STARD13: variants seen among roughly 807,000 people sequenced by gnomAD.
STARD13 encodes StAR related lipid transfer domain containing 13, also known as stAR-related lipid transfer protein 13.
A neutral mutation model predicts 106.4 loss-of-function variants in STARD13; 62 were observed. The ratio of observed to expected loss-of-function variants is 0.58; its 90% CI spans 0.48 to 0.72. The LOEUF (loss-of-function observed/expected upper bound fraction) is 0.72, where lower values mean the gene tolerates loss of function less well. Among genes scored for constraint, STARD13 ranks in the 30% least tolerant of loss-of-function variants. STARD13 has a pLI of 0.00. For missense variants in STARD13, 1,387 were observed against 1,424.0 expected (o/e 0.97, Z 0.42); for synonymous variants, 565 against 553.0 (o/e 1.02, Z -0.31).
In STARD13 at chr13:33,118,989, C is replaced by T. The variant is rs150741493; in HGVS notation, c.2083-726G>A. 1.3e-4 allele frequency among the ~76,000 whole-genome samples: 20 copies of T among 152,094 alleles called. No homozygotes were observed. In the East Asian group the frequency reaches 3.5e-3, roughly 26 times the overall value. On this transcript the variant is annotated intron_variant, in intron 7 of 13. Transcript: ENST00000336934. The stretch of plus-strand genomic sequence containing the variant: ...GACCTCAAGATATTGTCATATCATG[C>T]CTTTTTCATCTTAGAGTCTAGACTC...
In STARD13 at chr13:33,142,311, T is replaced by C. The variant is rs751798705; in HGVS notation, c.386A>G (p.Lys129Arg). 20 of 1,611,966 alleles carry C rather than the reference T, an allele frequency of 1.2e-5. No homozygotes were observed. The highest frequency in any genetic ancestry group is 1.7e-5 in the Non-Finnish European group (20 of 1,178,276). ...MKLDVNFQRK[K>R]GDDSDEEDLC... ...TCTTATTAAGGTGTGGGCACCTACCTTTTTCCTTTGGAAGTTCACATCAAG... is the reference window on the plus strand; with the variant it reads ...TCTTATTAAGGTGTGGGCACCTACCCTTTTCCTTTGGAAGTTCACATCAAG... The change falls in exon 4 of 14, where the codon AAG (lysine) becomes AGG (arginine). Residue 129 changes from lysine (K) to arginine (R), a missense_variant and splice_region_variant. Coordinates refer to ENST00000336934, the MANE Select transcript of STARD13 (RefSeq NM_178006.4).
At chr13:33,307,123 T>A (rs1345680140) in intron 1 of STARD13, among the ~76,000 whole-genome samples, 2 of 151,940 alleles carry the variant, frequency 1.3e-5, no homozygotes, top group Non-Finnish European at 2.9e-5. Flanking sequence ...CTCATGCCAC[T>A]CAGAATAGCA....
the STARD13 span, among the ~76,000 whole-genome samples, chr13:33,519,091 C>T: frequency 1.2e-4 from 19 of 152,088 alleles, no homozygotes; most frequent in Admixed American, 1.2e-3. Context: ...ATTCATTATG[C>T]ATCACCAGCC....
the STARD13 span, among the ~76,000 whole-genome samples, chr13:33,429,481 G>A: frequency 4.6e-5 from 7 of 150,546 alleles, no homozygotes; most frequent in South Asian, 2.1e-4. Context: ...CCGAGATTGC[G>A]CCACTGCACT....
At chr13:33,424,343 G>T in the STARD13 span, among the ~76,000 whole-genome samples, 2 of 152,140 alleles carry the variant, frequency 1.3e-5, no homozygotes, top group Non-Finnish European at 2.9e-5. Flanking sequence ...ATTTGGGCTG[G>T]TCTCAAAGAC....
the STARD13 span, among the ~76,000 whole-genome samples, chr13:33,481,841 T>C: frequency 2.0e-4 from 25 of 122,162 alleles, no homozygotes; most frequent in South Asian, 6.2e-3. Context: ...TAGCCGGGCG[T>C]GGTGGTGGCG....
chr13:33,150,283 T>A (rs1881102660), intron 3 of STARD13, among the ~76,000 whole-genome samples: 1 of 152,228 alleles, frequency 6.6e-6, no homozygotes, highest in Non-Finnish European at 1.5e-5. Context: ...ATGAGTTGCA[T>A]CTTATTTGCA....
the STARD13 span, among the ~76,000 whole-genome samples, chr13:33,492,946 A>T: frequency 6.6e-6 from 1 of 152,142 alleles, no homozygotes; most frequent in African/African-American, 2.4e-5. Flanking sequence ...ATGGAGGTTA[A>T]ACTGCCAAAG....
chr13:33,643,622 G>A, the STARD13 span, among the ~76,000 whole-genome samples: 10,772 of 152,312 alleles, frequency 0.071, 861 homozygotes, highest in Admixed American at 0.19. Context: ...CTCTCCTGTC[G>A]CACACCCGGT....
chr13:33,409,205 G>C, the STARD13 span, among the ~76,000 whole-genome samples: 7 of 151,980 alleles, frequency 4.6e-5, no homozygotes, highest in African/African-American at 1.5e-4. Flanking sequence ...ATTTTTGTAC[G>C]ATTTATATAT....
At chr13:33,476,276 A>C in the STARD13 span, among the ~76,000 whole-genome samples, 1 of 152,220 alleles carries the variant, frequency 6.6e-6, no homozygotes. Context: ...GATCCCAAAC[A>C]TTTTATCACT....
At chr13:33,140,397 T>C (rs1879659996) in intron 4 of STARD13, among the ~76,000 whole-genome samples, 1 of 152,246 alleles carries the variant, frequency 6.6e-6, no homozygotes, top group African/African-American at 2.4e-5. Flanking sequence ...CTGACCCTCA[T>C]GCTTCAAATA....
chr13:33,339,918 A>G (rs1487838440), intron 1 of STARD13, among the ~76,000 whole-genome samples: 9 of 152,206 alleles, frequency 5.9e-5, no homozygotes, highest in Non-Finnish European at 1.3e-4. Context: ...GAAAAAAAAA[A>G]AAGGAAAATA....
At chr13:33,429,100 T>G in the STARD13 span, among the ~76,000 whole-genome samples, 3 of 152,168 alleles carry the variant, frequency 2.0e-5, no homozygotes, top group Admixed American at 1.3e-4. Context: ...ACAACCACTA[T>G]GGAGAACAGT....
upstream of STARD13, among the ~76,000 whole-genome samples, chr13:33,288,423 A>G (rs1381239953): frequency 6.6e-6 from 1 of 151,672 alleles, no homozygotes; most frequent in East Asian, 1.9e-4. Flanking sequence ...GGTGCACACC[A>G]TCACACCTGG....
the STARD13 span, among the ~76,000 whole-genome samples, chr13:33,497,753 A>G: frequency 2.0e-5 from 3 of 152,302 alleles, no homozygotes; most frequent in Middle Eastern, 3.4e-3. Flanking sequence ...GTCTTCTCAT[A>G]GGTCTAGTGA....
the STARD13 span, among the ~76,000 whole-genome samples, chr13:33,358,916 T>A: frequency 6.6e-6 from 1 of 152,284 alleles, no homozygotes; most frequent in East Asian, 1.9e-4. Context: ...TGGTGGGGCC[T>A]TGGAGAACCT....
At chr13:33,395,338 C>T in the STARD13 span, among the ~76,000 whole-genome samples, 1 of 152,070 alleles carries the variant, frequency 6.6e-6, no homozygotes, top group Non-Finnish European at 1.5e-5. Flanking sequence ...AAAATGTAGT[C>T]ACCTAGTGAA....
At chr13:33,242,036 G>T (rs552315904) in intron 1 of STARD13, among the ~76,000 whole-genome samples, 6 of 150,830 alleles carry the variant, frequency 4.0e-5, no homozygotes, top group Non-Finnish European at 8.9e-5. Context: ...CTGCCCCGCC[G>T]CCCCATCTGG....
Sources: gnomAD v4.1 joint callset for allele counts (sites outside exome capture counted in the v4.1 genomes callset) on GRCh38, gnomAD v4.1.1 for gene constraint, MANE v1.5 for transcripts, NCBI Gene and HGNC (gene_info 2026-07-23, HGNC 2026-07-21) for gene names.